TP53BP1: variants seen among roughly 807,000 people sequenced by gnomAD.
TP53BP1 encodes TP53-binding protein 1.
A neutral mutation model predicts 200.8 loss-of-function variants in TP53BP1; 61 were observed. That is an observed-to-expected ratio of 0.30 (90% confidence interval 0.25 to 0.38). The LOEUF (loss-of-function observed/expected upper bound fraction) is 0.38. Ranked by LOEUF, TP53BP1 falls within the 10% of genes least tolerant of loss-of-function variation. The pLI is 1.00. For synonymous variants in TP53BP1, 822 were observed against 844.3 expected, an observed-to-expected ratio of 0.97 and a Z score of 0.46; for missense variants, 2,144 against 2,371.9, an observed-to-expected ratio of 0.90 and a Z score of 2.00.
intron 16 of TP53BP1, among the ~76,000 whole-genome samples, chr15:43,437,748 CACTAT>C (rs1214953638): frequency 6.6e-6 from 1 of 152,168 alleles, no homozygotes. Context: ...ATCCAGAATA[CACTAT>C]AGTCCCTCAA....
At chr15:43,447,278 C>A in intron 13 of TP53BP1, 88 bp downstream of exon 13, 1 of 1,419,990 alleles carries the variant, frequency 7.0e-7, no homozygotes, top group Non-Finnish European at 9.6e-7. Flanking sequence ...CCAGCCAGAC[C>A]CAACTCCTCA....
rs1174663619 is a variant in TP53BP1 at position 43,416,327 on chromosome 15, C to T, written c.4771G>A (p.Val1591Ile). The T allele has an allele frequency of 6.2e-7, 1 of 1,614,234 alleles. No individual in the cohort carries two copies. The highest frequency in any genetic ancestry group is 2.2e-5 in the East Asian group (1 of 44,884). The change falls in exon 22 of 28, where the codon GTC becomes ATC. Residue 1591 changes from valine (V) to isoleucine (I), a missense_variant. By Grantham distance (29) the Val-to-Ile change is conservative. Transcript: ENST00000382044. ...GQRKWYKRMA[V>I]ILSLEQGNRL... The stretch of plus-strand genomic sequence containing the variant: ...TTTCCTTGCTCCAAGGACAGGATGA[C>T]AGCCATTCGCTTATACCACTTTCTT...
At chr15:43,478,616 A>G (rs2078916973) in intron 7 of TP53BP1, among the ~76,000 whole-genome samples, 3 of 152,346 alleles carry the variant, frequency 2.0e-5, no homozygotes, top group Middle Eastern at 3.4e-3. Flanking sequence ...CGAGAGATGA[A>G]GCAGAGGCAC....
At position 43,446,364 on chromosome 15, in the gene TP53BP1, C is replaced by T. The variant is rs768258072; in HGVS notation, c.3040+23G>A. The T allele has an allele frequency of 2.5e-6, 4 of 1,599,102 alleles. No homozygotes were observed. The Admixed American group carries it at 6.7e-5, about 27-fold the overall frequency. ...CCAGATAATCTGCAGCTACTAATTACCCAAGATTAACATAAAACTTACTTT... is the reference window on the plus strand; with the variant it reads ...CCAGATAATCTGCAGCTACTAATTATCCAAGATTAACATAAAACTTACTTT... On this transcript the variant is annotated intron_variant, in intron 14 of 27. Transcript: ENST00000382044.
chr15:43,490,491 T>C (rs1037032143), intron 4 of TP53BP1, among the ~76,000 whole-genome samples: 2 of 152,090 alleles, frequency 1.3e-5, no homozygotes, highest in Admixed American at 1.3e-4. Context: ...CCTAAAGTGC[T>C]GGGATTACAG....
chr15:43,416,752 A>T (rs1001085057), intron 21 of TP53BP1: 1 of 196,904 alleles, frequency 5.1e-6, no homozygotes, highest in African/African-American at 2.3e-5. Flanking sequence ...CAATTCCATT[A>T]TAACTTCTAA....
In TP53BP1 at chr15:43,477,610, T is replaced by A; in HGVS notation, c.938A>T (p.Asp313Val). The A allele has an allele frequency of 6.2e-7, 1 of 1,612,534 alleles. No homozygotes were observed. Among genetic ancestry groups the A allele is most frequent in the Non-Finnish European group, 8.5e-7 (1 of 1,179,560 alleles). The change falls in exon 8 of 28, where the codon GAC becomes GTC. Residue 313 changes from aspartate to valine, a missense_variant. Asp to Val is a radical substitution (Grantham distance 152). This residue lies in a region of TP53BP1 where 1,700 missense variants were observed against 1,710.3 expected (regional missense o/e 0.99). Coordinates refer to ENST00000382044, the MANE Select transcript of TP53BP1 (RefSeq NM_001141980.3). ...CTTGGTACCTGTTTTATTGCTCTGG[T>A]CAAACAAGTCTTCCTGAGTTGACAA... The part of the protein sequence containing the change: ...EVLSTQEDLF[D>V]QSNKTVSSDG...
intron 12 of TP53BP1, among the ~76,000 whole-genome samples, chr15:43,447,942 T>C (rs967416241): frequency 6.6e-6 from 1 of 152,200 alleles, no homozygotes; most frequent in Non-Finnish European, 1.5e-5. Context: ...AAAGCAAAGT[T>C]TGAAGTTAAT....
intron 8 of TP53BP1, among the ~76,000 whole-genome samples, chr15:43,476,935 T>C (rs898826739): frequency 3.2e-4 from 49 of 152,208 alleles, no homozygotes; most frequent in African/African-American, 9.9e-4. Flanking sequence ...GTTAGTAAAC[T>C]GTTACCCAGA....
intron 27 of TP53BP1, 165 bp downstream of exon 27, chr15:43,407,778 G>A: frequency 1.3e-6 from 1 of 797,586 alleles, no homozygotes; most frequent in Middle Eastern, 2.8e-4. Flanking sequence ...TATACGTCCA[G>A]TGCTTCACTT....
At chr15:43,487,783 CAAAA>C (rs35455276) in intron 4 of TP53BP1, among the ~76,000 whole-genome samples, 1 of 93,838 alleles carries the variant, frequency 1.1e-5, no homozygotes, top group East Asian at 2.7e-4. Context: ...GACTCCATCT[CAAAA>C]AAAAAAAAAA....
At position 43,421,153 on chromosome 15, in the gene TP53BP1, C is replaced by G; in HGVS notation, c.4122G>C (p.Gln1374His). The G allele has an allele frequency of 6.2e-7, 1 of 1,614,166 alleles. No individual in the cohort carries two copies. The highest frequency in any genetic ancestry group is 8.5e-7 in the Non-Finnish European group (1 of 1,180,004). The change falls in exon 20 of 28, where the codon CAG (glutamine) becomes CAC (histidine). Residue 1374 changes from glutamine to histidine, a missense_variant. Physicochemically the swap from Gln to His is conservative, Grantham distance 24. Around this residue, in one of 4 missense-constraint regions of TP53BP1, gnomAD observed 1,700 missense variants for 1,710.3 expected, o/e 0.99. Coordinates refer to ENST00000382044, the MANE Select transcript of TP53BP1 (RefSeq NM_001141980.3). ...GKLSPRKGVSQTGTPVCEEDG... is the reference protein window; with the variant it reads ...GKLSPRKGVSHTGTPVCEEDG... Reference sequence around the variant, plus strand: ...CCTCCTCACACACTGGCGTCCCTGTCTGACTGACCCCTTTTCTAGGACTAG... The same window carrying G: ...CCTCCTCACACACTGGCGTCCCTGTGTGACTGACCCCTTTTCTAGGACTAG...
intron 10 of TP53BP1, among the ~76,000 whole-genome samples, chr15:43,473,637 TACAG>T (rs2046780930): frequency 6.6e-6 from 1 of 151,600 alleles, no homozygotes; most frequent in African/African-American, 2.4e-5. Flanking sequence ...AGCAGCCAGA[TACAG>T]AGTGTGGATT....
rs1265190725 is a variant in TP53BP1 at position 43,470,144 on chromosome 15, T to C, written c.1181-78A>G. The C allele has an allele frequency of 2.5e-6, 3 of 1,181,248 alleles. No individual in the cohort carries two copies. In the African/African-American group the frequency reaches 4.6e-5, roughly 18 times the overall value. The allele number at this position is 1,181,248 out of a possible 1,614,324, so 73.2% of individuals were successfully genotyped here. On this transcript the variant is annotated intron_variant, in intron 10 of 27. Transcript: ENST00000382044. ...CATGTTCCAAAACCACTAAGAACAA[T>C]TACACTACAGACATTTTCACTCTAA...
chr15:43,493,306 A>G, upstream of TP53BP1: 1 of 1,194,750 alleles, frequency 8.4e-7, no homozygotes, highest in Non-Finnish European at 1.1e-6. Context: ...CCATGGCAGC[A>G]TGGACGTTGC....
intron 4 of TP53BP1, among the ~76,000 whole-genome samples, chr15:43,482,583 A>G (rs2078988894): frequency 6.6e-6 from 1 of 152,130 alleles, no homozygotes; most frequent in South Asian, 2.1e-4. Context: ...CCCGGCGAAC[A>G]AGGTGAAACC....
intron 1 of TP53BP1, among the ~76,000 whole-genome samples, chr15:43,505,023 A>G (rs1407357652): frequency 6.6e-6 from 1 of 152,206 alleles, no homozygotes; most frequent in African/African-American, 2.4e-5. Context: ...CCGTTTCAAA[A>G]AATAAATAAA....
intron 23 of TP53BP1, chr15:43,415,386 G>C (rs1169541424): frequency 4.4e-6 from 3 of 675,544 alleles, no homozygotes; most frequent in Admixed American, 2.1e-5. Context: ...TTCTGGCCTT[G>C]CTATCTACCC....
rs1053748750 is a variant in TP53BP1, at chr15:43,477,840, TTTTC to T, written c.789-85_789-82del. On this transcript the variant is annotated intron_variant, in intron 7 of 27. Coordinates refer to ENST00000382044, the MANE Select transcript of TP53BP1 (RefSeq NM_001141980.3). ...AAAAAGCTTTTCCTGTTTTGTGTGT[TTTTC>T]TTTAATAATTTCAAAAATTCCAGTG... 106 of 1,172,852 alleles carry T rather than the reference TTTTC, an allele frequency of 9.0e-5. No individual in the cohort carries two copies. In the East Asian group the frequency reaches 1.1e-3, roughly 12 times the overall value. The allele number at this position is 1,172,852 out of a possible 1,614,324, so 72.7% of individuals were successfully genotyped here.
Sources: allele counts gnomAD v4.1 joint callset (sites outside exome capture counted in the v4.1 genomes callset), GRCh38; gene constraint gnomAD v4.1.1; regional missense constraint gnomAD v4.1.1; transcripts MANE v1.5; gene names NCBI Gene and HGNC (gene_info 2026-07-23, HGNC 2026-07-21).